RBFOX1: variants seen among roughly 807,000 people sequenced by gnomAD.
RBFOX1 encodes the protein RNA binding protein fox-1 homolog 1.
RBFOX1 carries 8 observed loss-of-function variants against 57.7 expected under a neutral mutation model. The ratio of observed to expected loss-of-function variants is 0.14; its 90% confidence interval spans 0.08 to 0.25. The LOEUF is 0.25. Ranked by LOEUF, RBFOX1 falls within the 10% of genes least tolerant of loss-of-function variation. The pLI is 1.00. For missense variants in RBFOX1, 611 were observed against 548.5 expected (o/e 1.11, Z -1.14); for synonymous variants, 326 against 222.4 (o/e 1.47, Z -4.15).
At chr16:7,539,555 A>G (rs1371596839) in intron 5 of RBFOX1, among the ~76,000 whole-genome samples, 1 of 152,210 alleles carries the variant, frequency 6.6e-6, no homozygotes, top group African/African-American at 2.4e-5. Flanking sequence ...GTATTTCCCA[A>G]TGGGATCACC....
intron 1 of RBFOX1, among the ~76,000 whole-genome samples, chr16:6,243,839 T>G (rs1257289668): frequency 6.6e-6 from 1 of 152,092 alleles, no homozygotes; most frequent in African/African-American, 2.4e-5. Context: ...CTGCCTGAGA[T>G]GAAAGACCAT....
chr16:6,215,753 C>G (rs59435636), intron 1 of RBFOX1, among the ~76,000 whole-genome samples: 2 of 151,974 alleles, frequency 1.3e-5, no homozygotes, highest in African/African-American at 4.8e-5. Flanking sequence ...CACAGCTCTT[C>G]GAAAGCAAGT....
intron 3 of RBFOX1, among the ~76,000 whole-genome samples, chr16:6,904,799 G>A (rs1026507888): frequency 2.6e-5 from 4 of 152,026 alleles, no homozygotes; most frequent in Admixed American, 6.6e-5. Flanking sequence ...ACACAAAGCT[G>A]GAGGAGAATG....
intron 3 of RBFOX1, among the ~76,000 whole-genome samples, chr16:5,689,726 A>C (rs1223605624): frequency 6.6e-6 from 1 of 152,130 alleles, no homozygotes; most frequent in Non-Finnish European, 1.5e-5. Context: ...GGAACCTTTT[A>C]GGAACAAGGA....
chr16:6,748,161 A>ATCTCGT (rs2074165614), intron 3 of RBFOX1, among the ~76,000 whole-genome samples: 1 of 151,944 alleles, frequency 6.6e-6, no homozygotes, highest in East Asian at 1.9e-4. Flanking sequence ...ATTTACTAGC[A>ATCTCGT]TCTCGTTAGG....
intron 1 of RBFOX1, among the ~76,000 whole-genome samples, chr16:5,312,542 C>T (rs182046940): frequency 6.6e-6 from 1 of 152,246 alleles, no homozygotes; most frequent in Admixed American, 6.5e-5. Context: ...GTCTTGAACT[C>T]CTGACCTCAT....
At chr16:5,363,199 A>ATTTTTTTTT (rs533158906) in intron 1 of RBFOX1, among the ~76,000 whole-genome samples, 3 of 121,744 alleles carry the variant, frequency 2.5e-5, no homozygotes, top group Non-Finnish European at 1.8e-5. Flanking sequence ...GCCCCTGGCT[A>ATTTTTTTTT]TTTTTTTTTT....
In RBFOX1 at chr16:5,283,560, C is replaced by A. The variant is rs561827526; in HGVS notation, c.219+43455C>A. Reference sequence around the variant, plus strand: ...ATTCTCCCAAGGCCATGGGAGCCCACCTCTTACATCAGCATGACCTGCATG... The same window carrying A: ...ATTCTCCCAAGGCCATGGGAGCCCAACTCTTACATCAGCATGACCTGCATG... On this transcript the variant is annotated intron_variant, in intron 1 of 2. Transcript: ENST00000585867. 7.6e-4 allele frequency among the ~76,000 whole-genome samples: 116 copies of A among 152,254 alleles called. 1 individual carries two copies. Among genetic ancestry groups the A allele is most frequent in the African/African-American group, 2.5e-3 (105 of 41,560 alleles).
intron 2 of RBFOX1, among the ~76,000 whole-genome samples, chr16:6,546,098 G>A (rs907474673): frequency 6.6e-6 from 1 of 152,198 alleles, no homozygotes; most frequent in African/African-American, 2.4e-5. Flanking sequence ...TTTTAAGAAA[G>A]TTTATGAATT....
chr16:5,429,855 G>T (rs1461378156), intron 1 of RBFOX1, among the ~76,000 whole-genome samples: 1 of 152,172 alleles, frequency 6.6e-6, no homozygotes, highest in Non-Finnish European at 1.5e-5. Context: ...CTCCGGCTGT[G>T]TCAGTGAATG....
chr16:5,934,172 C>T (rs911395432), intron 4 of RBFOX1, among the ~76,000 whole-genome samples: 3 of 152,230 alleles, frequency 2.0e-5, no homozygotes, highest in Non-Finnish European at 4.4e-5. Context: ...AAGGAACATG[C>T]TGCTGTTTCG....
At chr16:7,410,599 C>T (rs1319297603) in intron 4 of RBFOX1, among the ~76,000 whole-genome samples, 2 of 152,164 alleles carry the variant, frequency 1.3e-5, no homozygotes, top group Admixed American at 1.3e-4. Context: ...ATCACTTGAA[C>T]CCAGAAGGCA....
At chr16:6,995,620 C>T (rs9928346) in intron 3 of RBFOX1, among the ~76,000 whole-genome samples, 16 of 152,090 alleles carry the variant, frequency 1.1e-4, no homozygotes, top group Admixed American at 2.0e-4. Flanking sequence ...ATTAGCTGGA[C>T]GTGGTGGTGC....
chr16:6,581,291 C>G (rs1247538421), intron 2 of RBFOX1, among the ~76,000 whole-genome samples: 2 of 152,168 alleles, frequency 1.3e-5, no homozygotes, highest in Admixed American at 6.5e-5. Flanking sequence ...GGTTCTGTGT[C>G]TTTGCTTTTT....
chr16:5,602,729 G>GT (rs1262581048), downstream of RBFOX1, among the ~76,000 whole-genome samples: 1 of 152,004 alleles, frequency 6.6e-6, no homozygotes, highest in Non-Finnish European at 1.5e-5. Context: ...GACAGTGGTA[G>GT]TAATAATATA....
At chr16:7,516,858 C>G (rs996619909) in intron 4 of RBFOX1, among the ~76,000 whole-genome samples, 8 of 151,440 alleles carry the variant, frequency 5.3e-5, no homozygotes, top group Non-Finnish European at 7.4e-5. Context: ...TCTCTTCTTT[C>G]TGTCATCATG....
chr16:7,436,493 C>T (rs1048574786), intron 4 of RBFOX1, among the ~76,000 whole-genome samples: 1 of 152,200 alleles, frequency 6.6e-6, no homozygotes, highest in Non-Finnish European at 1.5e-5. Flanking sequence ...CTTCACAACC[C>T]AGTGCAACAG....
At chr16:6,745,515 A>G (rs2073377206) in intron 3 of RBFOX1, among the ~76,000 whole-genome samples, 1 of 152,210 alleles carries the variant, frequency 6.6e-6, no homozygotes, top group African/African-American at 2.4e-5. Context: ...TCAATTTATG[A>G]AATACACCAT....
intron 2 of RBFOX1, among the ~76,000 whole-genome samples, chr16:5,494,431 C>A (rs2042934818): frequency 6.6e-6 from 1 of 152,162 alleles, no homozygotes; most frequent in Non-Finnish European, 1.5e-5. Flanking sequence ...TTTGCACATG[C>A]CTGGAATTTG....
Sources: gnomAD v4.1 joint callset for allele counts (sites outside exome capture counted in the v4.1 genomes callset) on GRCh38, gnomAD v4.1.1 for gene constraint, MANE v1.5 for transcripts, NCBI Gene and HGNC (gene_info 2026-07-23, HGNC 2026-07-21) for gene names.